The following CASTOR2 variants were observed in gnomAD, a reference collection of about 807,000 sequenced individuals.
CASTOR2 encodes the protein GATS protein like 2.
Under a neutral mutation model 31.2 loss-of-function variants are expected in CASTOR2, and 8 were observed. The observed-to-expected ratio is 0.26, with a 90% CI of 0.15 to 0.46. The LOEUF is 0.46. Among genes scored for constraint, CASTOR2 ranks in the 20% least tolerant of loss-of-function variants. The probability of loss-of-function intolerance (pLI) is 0.99; values close to 1 mark genes in which losing one functional copy is unlikely to be tolerated. For missense variants in CASTOR2, 216 were observed against 382.1 expected (o/e 0.57, Z 3.62); for synonymous variants, 162 against 158.7 (o/e 1.02, Z -0.16).
At chr7:75,012,021 C>G (rs1414537027) in intron 2 of CASTOR2, among the ~76,000 whole-genome samples, 1 of 151,658 alleles carries the variant, frequency 6.6e-6, no homozygotes, top group Non-Finnish European at 1.5e-5. Context: ...AGCGAGAAAG[C>G]AAGCAGACAT....
chr7:75,022,424 G>A (rs1274572914), intron 7 of CASTOR2, among the ~76,000 whole-genome samples: 1 of 152,026 alleles, frequency 6.6e-6, no homozygotes, highest in Non-Finnish European at 1.5e-5. Flanking sequence ...AGGATTACTT[G>A]AGCCTAAGAG....
chr7:75,019,543 A>G (rs1157959619), intron 5 of CASTOR2, among the ~76,000 whole-genome samples: 2 of 152,092 alleles, frequency 1.3e-5, no homozygotes, highest in Non-Finnish European at 2.9e-5. Context: ...GAGACATCCT[A>G]CCCTGGGAAC....
rs1805222709 is a variant in CASTOR2, at chr7:75,029,011, G to T, written c.*4312G>T. Among the ~76,000 whole-genome samples, 1 of 152,236 alleles carries T rather than the reference G, an allele frequency of 6.6e-6. No homozygotes were observed. The highest frequency in any genetic ancestry group is 1.5e-5 in the Non-Finnish European group (1 of 68,044). On this transcript the variant is annotated 3_prime_UTR_variant, in exon 9 of 9. Coordinates refer to ENST00000616305, the MANE Select transcript of CASTOR2 (RefSeq NM_001145064.3). ...GCCTCCGGAAGCAGCAGCGTAGCCA[G>T]GGTGACATTTGTTCAGCAGGAGGAG...
In CASTOR2 at chr7:75,028,484, G is replaced by A. The variant is rs1483015001; in HGVS notation, c.*3785G>A. 6.6e-6 allele frequency among the ~76,000 whole-genome samples: 1 copy of A among 152,046 alleles called. No individual in the cohort carries two copies. The highest frequency in any genetic ancestry group is 1.5e-5 in the Non-Finnish European group (1 of 68,010). On this transcript the variant is annotated 3_prime_UTR_variant, in exon 9 of 9. Transcript: ENST00000616305. The stretch of plus-strand genomic sequence containing the variant: ...TGCCACTTGAGCTCCTGGAGTGTGT[G>A]TCTTGGCCCCTGTGTGGTTCTCCAT...
intron 2 of CASTOR2, 107 bp downstream of exon 2, chr7:75,008,171 C>T (rs2131944976): frequency 7.3e-7 from 1 of 1,362,780 alleles, no homozygotes; most frequent in Admixed American, 1.7e-5. Context: ...TTTCTGCCCC[C>T]ACCTACCTCC....
At chr7:75,011,609 G>C (rs1275744539) in intron 2 of CASTOR2, among the ~76,000 whole-genome samples, 1 of 150,408 alleles carries the variant, frequency 6.6e-6, no homozygotes, top group African/African-American at 2.5e-5. Context: ...GGTGGTGGGC[G>C]CCTGTGGTCC....
intron 6 of CASTOR2, 31 bp from the exon 7 acceptor site, chr7:75,021,843 C>T: frequency 1.9e-6 from 3 of 1,551,424 alleles, no homozygotes; most frequent in East Asian, 2.4e-5. Flanking sequence ...TCACATCAGC[C>T]TCGGGGATTC....
intron 1 of CASTOR2, among the ~76,000 whole-genome samples, chr7:74,994,914 C>T (rs1804304636): frequency 1.3e-5 from 2 of 152,064 alleles, no homozygotes; most frequent in Non-Finnish European, 1.5e-5. Flanking sequence ...GAGCTGCCTA[C>T]GCTGGGGAGG....
At chr7:75,000,355 C>T (rs1367685809) in intron 1 of CASTOR2, among the ~76,000 whole-genome samples, 17 of 152,144 alleles carry the variant, frequency 1.1e-4, no homozygotes, top group Non-Finnish European at 1.8e-4. Context: ...GCCCTGATCC[C>T]TTCATTCCCT....
rs1488955115 is a variant in CASTOR2 at position 75,026,825 on chromosome 7, CCT to C, written c.*2127_*2128del. On this transcript the variant is annotated 3_prime_UTR_variant, in exon 9 of 9. Transcript: ENST00000616305. ...TTGATTTTCCTTTCTGTCATTTCCC[CCT>C]GACGGTGTCACTTCTCTGCCTTTCC... Among the ~76,000 whole-genome samples the C allele has an allele frequency of 3.3e-5, 5 of 152,150 alleles. No individual in the cohort carries two copies. Among genetic ancestry groups the C allele is most frequent in the Non-Finnish European group, 5.9e-5 (4 of 68,028 alleles).
At position 75,024,985 on chromosome 7, in the gene CASTOR2, T is replaced by C. The variant is rs1805088205; in HGVS notation, c.*286T>C. 6.6e-6 allele frequency among the ~76,000 whole-genome samples: 1 copy of C among 152,206 alleles called. No individual in the cohort carries two copies. The highest frequency in any genetic ancestry group is 2.4e-5 in the African/African-American group (1 of 41,474). On this transcript the variant is annotated 3_prime_UTR_variant, in exon 9 of 9. Transcript: ENST00000616305. ...TGCTTTCGGAGGCCCAGGGAGCTTG[T>C]GAGCTGATCCGCCTTCTCATCCGGC...
chr7:75,024,728 C>T lies in CASTOR2; in HGVS notation c.*29C>T, dbSNP rs1250272689. 47 of 1,551,560 alleles carry T rather than the reference C, an allele frequency of 3.0e-5. 1 individual carries two copies. In the South Asian group the frequency reaches 3.8e-4, roughly 13 times the overall value. On this transcript the variant is annotated 3_prime_UTR_variant, in exon 9 of 9. Coordinates refer to ENST00000616305, the MANE Select transcript of CASTOR2 (RefSeq NM_001145064.3). Reference sequence around the variant, plus strand: ...GGTCTCTTCTGCTCCTCCCTGCCGCCGCCCGGGCCCAGCCCTAACCCTGAA... The same window carrying T: ...GGTCTCTTCTGCTCCTCCCTGCCGCTGCCCGGGCCCAGCCCTAACCCTGAA...
At chr7:75,017,944 C>T in intron 3 of CASTOR2, 46 bp from the exon 4 acceptor site, 2 of 1,614,034 alleles carry the variant, frequency 1.2e-6, no homozygotes, top group South Asian at 2.2e-5. Flanking sequence ...AGACCCACAT[C>T]CCCCAGGGCC....
chr7:74,995,890 A>T (rs1243571053), intron 1 of CASTOR2, among the ~76,000 whole-genome samples: 1 of 151,834 alleles, frequency 6.6e-6, no homozygotes, highest in Non-Finnish European at 1.5e-5. Flanking sequence ...TGGGAGGCTC[A>T]CTTGAGCCCA....
At chr7:74,994,641 T>G (rs1200732044) in intron 1 of CASTOR2, among the ~76,000 whole-genome samples, 3 of 151,970 alleles carry the variant, frequency 2.0e-5, no homozygotes, top group African/African-American at 7.3e-5. Context: ...TCCCAGCTAC[T>G]TGGGAGGCTG....
intron 2 of CASTOR2, among the ~76,000 whole-genome samples, chr7:75,014,230 G>T (rs1804814278): frequency 6.6e-6 from 1 of 151,876 alleles, no homozygotes; most frequent in Non-Finnish European, 1.5e-5. Context: ...CATCATTGTG[G>T]TCCATGCCAC....
chr7:75,023,869 AC>A (rs1235616137), intron 7 of CASTOR2, among the ~76,000 whole-genome samples: 6 of 152,134 alleles, frequency 3.9e-5, no homozygotes, highest in Non-Finnish European at 7.4e-5. Flanking sequence ...ACCAGGCCCC[AC>A]CTCCAATACT....
chr7:74,997,749 T>A (rs1348656932), intron 1 of CASTOR2, among the ~76,000 whole-genome samples: 2 of 151,832 alleles, frequency 1.3e-5, no homozygotes, highest in Non-Finnish European at 2.9e-5. Context: ...TTTTTTTTTT[T>A]AATCATAGGT....
rs4029892 is a variant in CASTOR2, at chr7:74,978,104, ATTTTTTTT to A, written c.113+13017_113+13024del. 1.8e-3 allele frequency among the ~76,000 whole-genome samples: 252 copies of A among 137,038 alleles called. 4 individuals carry two copies. The highest frequency in any genetic ancestry group is 3.0e-3 in the Non-Finnish European group (186 of 62,796). 89.9% of individuals were successfully genotyped at this position (137,038 alleles called of 152,430 possible). A position where few individuals can be genotyped will look rare whatever the true frequency, so the allele number is the denominator to read the frequency against. On this transcript the variant is annotated intron_variant, in intron 1 of 8. Coordinates refer to ENST00000616305, the MANE Select transcript of CASTOR2 (RefSeq NM_001145064.3). ...CCTGAGGTTTTGCTTGCACACCCCA[ATTTTTTTT>A]TTTTTTTTTTGGAGACAGGGTCTTG...
Sources: allele counts gnomAD v4.1 joint callset (sites outside exome capture counted in the v4.1 genomes callset), GRCh38; gene constraint gnomAD v4.1.1; transcripts MANE v1.5; gene names NCBI Gene and HGNC (gene_info 2026-07-23, HGNC 2026-07-21).